The following CTNNA3 variants were observed in gnomAD, a reference collection of about 807,000 sequenced individuals.
CTNNA3 encodes catenin alpha 3.
In CTNNA3, 76 loss-of-function variants were observed where a neutral mutation model predicts 95.7. That is an observed-to-expected ratio of 0.79 (90% CI 0.66 to 0.96). The LOEUF (loss-of-function observed/expected upper bound fraction) is 0.96, where lower values mean the gene tolerates loss of function less well. CTNNA3 is among the 40% of genes least tolerant of loss of function. The pLI is 0.00. For synonymous variants in CTNNA3, 431 were observed against 374.4 expected (o/e 1.15, Z -1.74); for missense variants, 1,191 against 1,089.8 (o/e 1.09, Z -1.31).
At position 67,743,137 on chromosome 10, in the gene CTNNA3, C is replaced by A. The variant is rs866775879; in HGVS notation, c.-2+20297G>T. 1.7e-3 allele frequency among the ~76,000 whole-genome samples: 255 copies of A among 151,382 alleles called. 10 individuals are homozygous for A. Among genetic ancestry groups the A allele is most frequent in the Middle Eastern group, 0.01 (3 of 290 alleles). Reference sequence around the variant, plus strand: ...AATCAATAGAAAAAGAGGGAATCCTCCCTAACTCATTTTATGAGGCCAGCA... The same window carrying A: ...AATCAATAGAAAAAGAGGGAATCCTACCTAACTCATTTTATGAGGCCAGCA... On this transcript the variant is annotated intron_variant, in intron 1 of 17. Coordinates refer to the CTNNA3 transcript ENST00000684154.
intron 7 of CTNNA3, among the ~76,000 whole-genome samples, chr10:66,909,704 T>C (rs1414207938): frequency 6.6e-6 from 1 of 152,166 alleles, no homozygotes; most frequent in Non-Finnish European, 1.5e-5. Flanking sequence ...CTCTGGTTAA[T>C]TGGCCCAAAT....
chr10:66,569,074 G>A (rs542777952), intron 10 of CTNNA3, among the ~76,000 whole-genome samples: 4 of 152,108 alleles, frequency 2.6e-5, no homozygotes, highest in East Asian at 3.9e-4. Flanking sequence ...GAGAATAAAA[G>A]CTAGACATCA....
intron 5 of CTNNA3, among the ~76,000 whole-genome samples, chr10:67,432,780 G>A (rs1221563109): frequency 2.0e-5 from 3 of 151,934 alleles, no homozygotes; most frequent in African/African-American, 4.8e-5. Context: ...TGAGGATTAG[G>A]ACATGAATTT....
upstream of CTNNA3, among the ~76,000 whole-genome samples, chr10:67,700,060 G>A (rs530814025): frequency 1.6e-4 from 24 of 152,322 alleles, no homozygotes; most frequent in South Asian, 2.3e-3. Context: ...AGGCAGCAGC[G>A]AGGCTGGGGG....
At chr10:66,231,916 A>G (rs563875331) in intron 13 of CTNNA3, among the ~76,000 whole-genome samples, 10 of 152,302 alleles carry the variant, frequency 6.6e-5, no homozygotes, top group Admixed American at 1.3e-4. Flanking sequence ...TCAAATTAGT[A>G]TTACTGAATA....
At chr10:66,975,471 T>C (rs1164320320) in intron 7 of CTNNA3, among the ~76,000 whole-genome samples, 1 of 152,160 alleles carries the variant, frequency 6.6e-6, no homozygotes, top group African/African-American at 2.4e-5. Context: ...GTTGGAAAGG[T>C]TTCCCTTTCC....
At chr10:66,530,478 A>C (rs778624341) in intron 10 of CTNNA3, among the ~76,000 whole-genome samples, 1 of 152,022 alleles carries the variant, frequency 6.6e-6, no homozygotes, top group Non-Finnish European at 1.5e-5. Flanking sequence ...ACATTTCTTT[A>C]TTTTGATAAC....
chr10:66,912,259 T>A (rs936362255), intron 7 of CTNNA3, among the ~76,000 whole-genome samples: 1 of 152,122 alleles, frequency 6.6e-6, no homozygotes, highest in African/African-American at 2.4e-5. Flanking sequence ...ATGTATCAAA[T>A]TCAGGTTTTC....
chr10:67,254,660 T>C (rs577205653), intron 5 of CTNNA3, among the ~76,000 whole-genome samples: 5 of 152,334 alleles, frequency 3.3e-5, no homozygotes, highest in African/African-American at 1.2e-4. Context: ...TCCTGTAAGA[T>C]CGTAATGTCG....
At chr10:67,483,642 A>G (rs1564682619) in intron 5 of CTNNA3, among the ~76,000 whole-genome samples, 3 of 151,900 alleles carry the variant, frequency 2.0e-5, no homozygotes, top group Non-Finnish European at 4.4e-5. Flanking sequence ...TAGCATTAGG[A>G]GATATACCTA....
intron 5 of CTNNA3, among the ~76,000 whole-genome samples, chr10:67,518,446 A>G (rs1177616971): frequency 6.6e-6 from 1 of 152,154 alleles, no homozygotes; most frequent in Non-Finnish European, 1.5e-5. Flanking sequence ...GTGATCAGAG[A>G]GACAAGAATC....
chr10:66,718,838 A>T (rs1237294143), intron 9 of CTNNA3, among the ~76,000 whole-genome samples: 1 of 152,074 alleles, frequency 6.6e-6, no homozygotes, highest in Non-Finnish European at 1.5e-5. Flanking sequence ...TTAACAATTG[A>T]TTTGACAATT....
chr10:67,599,819 G>C (rs1326572305), intron 3 of CTNNA3, among the ~76,000 whole-genome samples: 1 of 152,086 alleles, frequency 6.6e-6, no homozygotes, highest in Non-Finnish European at 1.5e-5. Flanking sequence ...TTGATCCATA[G>C]ATCTAATCTA....
At chr10:65,996,980 C>G (rs2078676334) in intron 15 of CTNNA3, among the ~76,000 whole-genome samples, 1 of 151,944 alleles carries the variant, frequency 6.6e-6, no homozygotes, top group Non-Finnish European at 1.5e-5. Context: ...CTGTTCCAAT[C>G]TTTATTTTTT....
chr10:67,261,893 C>T (rs1397221976), intron 5 of CTNNA3, among the ~76,000 whole-genome samples: 1 of 152,062 alleles, frequency 6.6e-6, no homozygotes, highest in Non-Finnish European at 1.5e-5. Context: ...TGTAGCTACA[C>T]AGGGTTCTGC....
At chr10:66,207,344 G>T in intron 13 of CTNNA3, among the ~76,000 whole-genome samples, 1 of 151,846 alleles carries the variant, frequency 6.6e-6, no homozygotes, top group Non-Finnish European at 1.5e-5. Flanking sequence ...TCATAGAAGA[G>T]ATATTTACTG....
At chr10:67,334,793 C>T (rs548317092) in intron 5 of CTNNA3, 113 of 156,076 alleles carry the variant, frequency 7.2e-4, no homozygotes, top group African/African-American at 2.4e-3. Context: ...GATCTGTCAG[C>T]ACTGAGGAGG....
At chr10:66,180,183 T>C (rs540687958) in intron 13 of CTNNA3, among the ~76,000 whole-genome samples, 9 of 152,290 alleles carry the variant, frequency 5.9e-5, no homozygotes, top group African/African-American at 2.2e-4. Flanking sequence ...ACTTCTAATT[T>C]CTGCAAAAGA....
intron 11 of CTNNA3, among the ~76,000 whole-genome samples, chr10:66,471,155 A>C (rs1282494309): frequency 6.6e-6 from 1 of 151,902 alleles, no homozygotes; most frequent in African/African-American, 2.4e-5. Flanking sequence ...TCATTGAAAA[A>C]AGTAGCATTT....
Sources: allele counts gnomAD v4.1 joint callset (sites outside exome capture counted in the v4.1 genomes callset), GRCh38; gene constraint gnomAD v4.1.1; transcripts MANE v1.5; gene names NCBI Gene and HGNC (gene_info 2026-07-23, HGNC 2026-07-21).